LAMA2: variants seen among roughly 807,000 people sequenced by gnomAD.
LAMA2 encodes the protein laminin subunit alpha 2.
LAMA2 carries 269 observed loss-of-function variants against 364.8 expected under a neutral mutation model. That is an observed-to-expected ratio of 0.74 (90% confidence interval 0.67 to 0.82). The LOEUF is 0.82. Among genes scored for constraint, LAMA2 ranks in the 40% least tolerant of loss-of-function variants. The probability of loss-of-function intolerance (pLI) is 0.00; values close to 1 mark genes in which losing one functional copy is unlikely to be tolerated. For synonymous variants in LAMA2, 1,379 were observed against 1,370.6 expected, an observed-to-expected ratio of 1.01 and a Z score of -0.14; for missense variants, 3,807 against 3,873.2, an observed-to-expected ratio of 0.98 and a Z score of 0.45.
chr6:128,949,036 T>A (rs1285337827), intron 1 of LAMA2, among the ~76,000 whole-genome samples: 2 of 152,186 alleles, frequency 1.3e-5, no homozygotes, highest in Non-Finnish European at 2.9e-5. Context: ...ATCCCCCCGA[T>A]GTAGGATAAA....
At chr6:128,970,790 T>C (rs1782142612) in intron 1 of LAMA2, among the ~76,000 whole-genome samples, 2 of 152,232 alleles carry the variant, frequency 1.3e-5, no homozygotes, top group Non-Finnish European at 2.9e-5. Context: ...TTAGTCTACA[T>C]GTACTGCCTT....
At chr6:129,506,352 C>CA (rs1437032026) in intron 61 of LAMA2, among the ~76,000 whole-genome samples, 1 of 149,996 alleles carries the variant, frequency 6.7e-6, no homozygotes, top group Non-Finnish European at 1.5e-5. Context: ...GACCCTGTCT[C>CA]AAAAAAATAA....
At chr6:129,497,340 C>T (rs568576710) in intron 58 of LAMA2, among the ~76,000 whole-genome samples, 20 of 152,160 alleles carry the variant, frequency 1.3e-4, no homozygotes, top group Admixed American at 4.6e-4. Context: ...CAGGCTCAGG[C>T]GATCCTCATG....
At chr6:129,188,790 A>T (rs939458139) in intron 10 of LAMA2, among the ~76,000 whole-genome samples, 13 of 152,104 alleles carry the variant, frequency 8.5e-5, no homozygotes, top group Middle Eastern at 3.4e-3. Context: ...AAAACAAATT[A>T]TTCTCTTGGA....
intron 37 of LAMA2, among the ~76,000 whole-genome samples, chr6:129,396,193 A>G (rs1004625539): frequency 5.9e-5 from 9 of 152,342 alleles, no homozygotes; most frequent in African/African-American, 2.2e-4. Flanking sequence ...TCTGTCAGGT[A>G]CCTACCATAT....
intron 4 of LAMA2, among the ~76,000 whole-genome samples, chr6:129,130,680 G>T (rs750008767): frequency 1.3e-5 from 2 of 152,134 alleles, no homozygotes; most frequent in African/African-American, 2.4e-5. Flanking sequence ...GACTTACAGC[G>T]TATTCCTTTT....
At chr6:129,396,941 A>G (rs979757917) in intron 37 of LAMA2, among the ~76,000 whole-genome samples, 19 of 145,630 alleles carry the variant, frequency 1.3e-4, no homozygotes, top group Non-Finnish European at 2.1e-4. Context: ...ATGCCACAGC[A>G]CTCCAGCCTG....
In LAMA2 at chr6:129,507,641, A is replaced by G. The variant is rs755790741; in HGVS notation, c.8856A>G (p.Ala2952=). The change falls in exon 62 of 65, where the codon GCA becomes GCG. Residue 2952 remains alanine, a splice_region_variant and synonymous_variant. Transcript: ENST00000421865. ...TYFDGTGFAK[A]VGGFKVGLDL... is the part of the protein sequence containing the mutation. ...TTGACGGAACCGGTTTTGCCAAAGC[A>G]GGTAAGGCTCTTTCATTTCCTTCCT... 41 of 1,614,136 alleles carry G rather than the reference A, an allele frequency of 2.5e-5. No individual in the cohort carries two copies. Among genetic ancestry groups the G allele is most frequent in the Non-Finnish European group, 3.5e-5 (41 of 1,179,954 alleles).
At chr6:129,142,533 G>C (rs78942652) in intron 4 of LAMA2, among the ~76,000 whole-genome samples, 1,756 of 151,992 alleles carry the variant, frequency 0.012, 32 homozygotes, top group African/African-American at 0.04. Context: ...ATTTTAGTAG[G>C]GGGGAGGCAA....
intron 1 of LAMA2, among the ~76,000 whole-genome samples, chr6:128,960,705 C>T (rs1781432748): frequency 1.3e-5 from 2 of 152,064 alleles, no homozygotes; most frequent in African/African-American, 4.8e-5. Context: ...TCTATTGTTT[C>T]CCCTGGGGAG....
Position 129,366,238 on chromosome 6 carries a change from T to G in LAMA2, c.4737T>G (p.Thr1579=). 1 of 1,613,956 alleles carries G rather than the reference T, an allele frequency of 6.2e-7. No individual in the cohort carries two copies. The highest frequency in any genetic ancestry group is 8.5e-7 in the Non-Finnish European group (1 of 1,179,964). Residue 1579 remains threonine, a synonymous_variant, in exon 33 of 65, where the codon ACT becomes ACG. Coordinates refer to ENST00000421865, the MANE Select transcript of LAMA2 (RefSeq NM_000426.4). The stretch of plus-strand genomic sequence containing the variant: ...TCACAGTTTGTGGAGATGAGTGCAC[T>G]GGCCTTCTTCTCGGTGACTTGGCTC... ...WECVFCGDEC[T]GLLLGDLARL...
At chr6:129,419,746 C>T (rs1780980190) in intron 40 of LAMA2, among the ~76,000 whole-genome samples, 1 of 152,116 alleles carries the variant, frequency 6.6e-6, no homozygotes, top group Non-Finnish European at 1.5e-5. Context: ...TGCTCAGCTG[C>T]TTTCAATCTT....
intron 17 of LAMA2, among the ~76,000 whole-genome samples, chr6:129,278,031 A>G (rs974277763): frequency 5.4e-4 from 82 of 152,042 alleles, no homozygotes; most frequent in Admixed American, 7.2e-4. Context: ...GTGAGACCCC[A>G]TTTCTACTAA....
At chr6:129,193,825 G>A (rs1216327082) in intron 12 of LAMA2, among the ~76,000 whole-genome samples, 1 of 152,164 alleles carries the variant, frequency 6.6e-6, no homozygotes, top group Non-Finnish European at 1.5e-5. Context: ...TGACATGTGA[G>A]TATTGAAATA....
At chr6:129,214,923 T>G (rs1475867021) in intron 12 of LAMA2, among the ~76,000 whole-genome samples, 2 of 152,144 alleles carry the variant, frequency 1.3e-5, no homozygotes, top group Non-Finnish European at 2.9e-5. Flanking sequence ...ACCTCTCCAT[T>G]TATTTAATTT....
intron 1 of LAMA2, among the ~76,000 whole-genome samples, chr6:128,944,501 A>C (rs1054978431): frequency 1.3e-5 from 2 of 152,184 alleles, no homozygotes; most frequent in Non-Finnish European, 2.9e-5. Flanking sequence ...TTTCTAAAGA[A>C]AAGATGATTA....
intron 1 of LAMA2, among the ~76,000 whole-genome samples, chr6:129,024,231 G>A (rs1240539568): frequency 1.3e-5 from 2 of 151,654 alleles, no homozygotes; most frequent in East Asian, 3.9e-4. Context: ...AGAATATGGA[G>A]AATATGTGGG....
chr6:129,453,096 G>A lies in LAMA2; in HGVS notation c.6538G>A (p.Asp2180Asn), dbSNP rs1419565673. 16 of 1,612,934 alleles carry A rather than the reference G, an allele frequency of 9.9e-6. No individual in the cohort carries two copies. The highest frequency in any genetic ancestry group is 1.7e-4 in the Middle Eastern group (1 of 6,048). The change falls in exon 46 of 65, where the codon GAT becomes AAT. Residue 2180 changes from aspartate to asparagine, a missense_variant. By Grantham distance (23) the Asp-to-Asn change is conservative. This residue lies in a region of LAMA2 where 3,333 missense variants were observed against 3,345.7 expected (regional missense o/e 1.00). Coordinates refer to ENST00000421865, the MANE Select transcript of LAMA2 (RefSeq NM_000426.4). ...TGTCAACGTAAAGACAGCTGTTGCT[G>A]ATAACCTCCTCTTTTATCTTGGAAG... ...IVVNVKTAVADNLLFYLGSAK... is the reference protein window; with the variant it reads ...IVVNVKTAVANNLLFYLGSAK...
chr6:129,293,529 T>C (rs1236705687), intron 20 of LAMA2, among the ~76,000 whole-genome samples: 1 of 152,238 alleles, frequency 6.6e-6, no homozygotes. Context: ...ATTGTGCTTA[T>C]GTGTACAACA....
Sources: gnomAD v4.1 joint callset for allele counts (sites outside exome capture counted in the v4.1 genomes callset) on GRCh38, gnomAD v4.1.1 for gene constraint, gnomAD v4.1.1 regional missense constraint, MANE v1.5 for transcripts, NCBI Gene and HGNC (gene_info 2026-07-23, HGNC 2026-07-21) for gene names.